ETNPPL: variants seen among roughly 807,000 people sequenced by gnomAD.
ETNPPL encodes ethanolamine-phosphate phospho-lyase.
Under a neutral mutation model 55.5 loss-of-function variants are expected in ETNPPL, and 30 were observed. That is an observed-to-expected ratio of 0.54 (90% CI 0.40 to 0.73). The LOEUF is 0.73. ETNPPL is among the 30% of genes least tolerant of loss of function. The pLI, the probability that ETNPPL is intolerant of heterozygous loss-of-function variation, is 0.00. For synonymous variants in ETNPPL, 202 were observed against 207.2 expected (o/e 0.98, Z 0.21); for missense variants, 528 against 607.9 (o/e 0.87, Z 1.38).
intron 9 of ETNPPL, chr4:108,747,803 A>C: frequency 2.1e-6 from 1 of 479,544 alleles, no homozygotes; most frequent in South Asian, 3.2e-5. Flanking sequence ...ATCTCGGCTC[A>C]CTGCAACCTC....
intron 11 of ETNPPL, among the ~76,000 whole-genome samples, chr4:108,744,722 T>A (rs1035902974): frequency 6.7e-6 from 1 of 149,946 alleles, no homozygotes; most frequent in African/African-American, 2.5e-5. Context: ...GAAATTTTTT[T>A]TTTTTTTTTT....
chr4:108,762,971 G>A lies in ETNPPL; in HGVS notation c.-73C>T. ...GCGCCTCCTACGCGAGCCTGGGACT[G>A]CCTTGGCGGCCCCGGCCGGCCTTCC... On this transcript the variant is annotated 5_prime_UTR_variant, in exon 1 of 13. Transcript: ENST00000296486. The A allele has an allele frequency of 2.0e-6, 3 of 1,466,754 alleles. No individual in the cohort carries two copies. Among genetic ancestry groups the A allele is most frequent in the South Asian group, 1.1e-5 (1 of 87,424 alleles). 90.9% of individuals were successfully genotyped at this position (1,466,754 alleles called of 1,614,324 possible).
chr4:108,762,975 T>C lies in ETNPPL; in HGVS notation c.-77A>G, dbSNP rs1578400549. The C allele has an allele frequency of 6.9e-7, 1 of 1,453,232 alleles. No homozygotes were observed. Among genetic ancestry groups the C allele is most frequent in the Non-Finnish European group, 9.6e-7 (1 of 1,040,888 alleles). 90.0% of individuals were successfully genotyped at this position (1,453,232 alleles called of 1,614,324 possible). A position where few individuals can be genotyped will look rare whatever the true frequency, so the allele number is the denominator to read the frequency against. On this transcript the variant is annotated 5_prime_UTR_variant, in exon 1 of 13. Coordinates refer to ENST00000296486, the MANE Select transcript of ETNPPL (RefSeq NM_031279.4). ...CTCCTACGCGAGCCTGGGACTGCCT[T>C]GGCGGCCCCGGCCGGCCTTCCTCCC...
chr4:108,747,782 G>A, intron 9 of ETNPPL: 1 of 425,520 alleles, frequency 2.4e-6, no homozygotes, highest in Non-Finnish European at 4.1e-6. Context: ...AGGCTGGAAT[G>A]CAGTGGCACA....
Position 108,759,734 on chromosome 4 carries a change from A to G in ETNPPL, c.335+15T>C, listed in dbSNP as rs1010849926. On this transcript the variant is annotated intron_variant, in intron 3 of 12. Transcript: ENST00000296486. ...TTAGTGGGAATGGGGAGGGGTGGGA[A>G]ACCATGAAGCATACCCTGAATTTGT... is the stretch of plus-strand genomic sequence containing the variant. 3 of 1,613,318 alleles carry G rather than the reference A, an allele frequency of 1.9e-6. No individual in the cohort carries two copies. The African/African-American group carries it at 4.0e-5, about 22-fold the overall frequency.
intron 12 of ETNPPL, 40 bp downstream of exon 12, chr4:108,743,749 T>G: frequency 7.0e-7 from 1 of 1,419,472 alleles, no homozygotes; most frequent in Non-Finnish European, 9.9e-7. Context: ...TTCCCCAAAT[T>G]TTAAACTTTC....
At position 108,742,605 on chromosome 4, in the gene ETNPPL, T is replaced by C. The variant is rs1728272963; in HGVS notation, c.1379A>G (p.Lys460Arg). 2 of 1,614,012 alleles carry C rather than the reference T, an allele frequency of 1.2e-6. No homozygotes were observed. The highest frequency in any genetic ancestry group is 1.7e-6 in the Non-Finnish European group (2 of 1,180,006). ...CCTAAGCAGTTCTATGTGGGCTTCTTTCAGCATCTGCAAGACAGGCACACA... is the reference window on the plus strand; with the variant it reads ...CCTAAGCAGTTCTATGTGGGCTTCTCTCAGCATCTGCAAGACAGGCACACA... ...ENTPCKTKML[K>R]EAHIELLRDS... The change falls in exon 13 of 13, where the codon AAA (lysine) becomes AGA (arginine). Residue 460 changes from lysine (K) to arginine (R), a missense_variant. By Grantham distance (26) the Lys-to-Arg change is conservative. Coordinates refer to ENST00000296486, the MANE Select transcript of ETNPPL (RefSeq NM_031279.4).
At chr4:108,744,528 C>T (rs1385059645) in intron 11 of ETNPPL, among the ~76,000 whole-genome samples, 4 of 151,964 alleles carry the variant, frequency 2.6e-5, no homozygotes, top group African/African-American at 9.7e-5. Context: ...GTGAGGAATG[C>T]TTGCCAGGTC....
intron 9 of ETNPPL, among the ~76,000 whole-genome samples, chr4:108,747,227 TATATATATATATA>T (rs1728640568): frequency 1.2e-4 from 2 of 16,370 alleles, no homozygotes; most frequent in Non-Finnish European, 1.7e-4. Context: ...ATATATATTA[TATATATATATATA>T]ATATATATAT....
intron 1 of ETNPPL, chr4:108,762,162 G>A (rs949431610): frequency 3.5e-6 from 1 of 287,880 alleles, no homozygotes; most frequent in African/African-American, 2.2e-5. Flanking sequence ...TCCAACGAGA[G>A]CTAGAGCCCC....
intron 4 of ETNPPL, among the ~76,000 whole-genome samples, chr4:108,755,243 G>C (rs1327813972): frequency 6.6e-6 from 1 of 152,122 alleles, no homozygotes; most frequent in African/African-American, 2.4e-5. Context: ...TAAGATTGAG[G>C]CTAGCCATAT....
chr4:108,756,488 C>A lies in ETNPPL; in HGVS notation c.340G>T (p.Glu114Ter), dbSNP rs1017484763. The A allele has an allele frequency of 6.2e-7, 1 of 1,612,808 alleles. No individual in the cohort carries two copies. The highest frequency in any genetic ancestry group is 8.5e-7 in the Non-Finnish European group (1 of 1,178,812). Residue 114 changes from glutamate to a stop codon, truncating the protein, a stop_gained, in exon 4 of 13, where the codon GAA becomes TAA. Transcript: ENST00000296486. LOFTEE classifies it high-confidence loss of function. The stretch of plus-strand genomic sequence containing the variant: ...AGGCGTAAGGCTAAGTCGTTGGCTT[C>A]GGATCTATTAAGATAACATAGAGAG... ...SVCYFTNSGS[E>*]ANDLALRLAR...
intron 3 of ETNPPL, among the ~76,000 whole-genome samples, chr4:108,759,445 G>T (rs1323594175): frequency 6.7e-6 from 1 of 149,774 alleles, no homozygotes; most frequent in Non-Finnish European, 1.5e-5. Context: ...GTTTACTAGA[G>T]TTATTTCTTG....
intron 5 of ETNPPL, among the ~76,000 whole-genome samples, chr4:108,753,677 G>A (rs2125677844): frequency 6.6e-6 from 1 of 151,772 alleles, no homozygotes; most frequent in Admixed American, 6.6e-5. Flanking sequence ...TGTAAGCGGA[G>A]GTTTCAGTGA....
chr4:108,748,867 C>T (rs911657138), intron 8 of ETNPPL, among the ~76,000 whole-genome samples: 1 of 152,146 alleles, frequency 6.6e-6, no homozygotes, highest in East Asian at 1.9e-4. Context: ...GGTAAAGATA[C>T]ACAAGCAGAA....
chr4:108,762,570 T>C (rs1729560792), intron 1 of ETNPPL: 1 of 630,226 alleles, frequency 1.6e-6, no homozygotes, highest in Non-Finnish European at 2.9e-6. Context: ...CCAACCCCTC[T>C]AGCCGGCCGG....
chr4:108,760,352 C>A, intron 1 of ETNPPL, 46 bp from the exon 2 acceptor site: 1 of 1,076,398 alleles, frequency 9.3e-7, no homozygotes, highest in South Asian at 1.5e-5. Flanking sequence ...GGACTACTCT[C>A]AGTATTTTTC....
Position 108,759,293 on chromosome 4 carries a change from T to C in ETNPPL, c.335+456A>G, listed in dbSNP as rs375374881. 2.5e-3 allele frequency among the ~76,000 whole-genome samples: 357 copies of C among 144,976 alleles called. 2 individuals are homozygous for C. Among genetic ancestry groups the C allele is most frequent in the African/African-American group, 8.9e-3 (349 of 39,198 alleles). On this transcript the variant is annotated intron_variant, in intron 3 of 12. Coordinates refer to ENST00000296486, the MANE Select transcript of ETNPPL (RefSeq NM_031279.4). ...GCGGGTGCCTGTAATCCCAGCTACT[T>C]GGGAGGCTGAGGCAGGAGAATAGCG...
chr4:108,749,133 G>T, intron 8 of ETNPPL, 105 bp downstream of exon 8: 2 of 757,924 alleles, frequency 2.6e-6, no homozygotes, highest in Non-Finnish European at 2.1e-6. Context: ...AGTTCTGGGT[G>T]GTTAGCCGGC....
Sources: allele counts gnomAD v4.1 joint callset (sites outside exome capture counted in the v4.1 genomes callset), GRCh38; gene constraint gnomAD v4.1.1; transcripts MANE v1.5; gene names NCBI Gene and HGNC (gene_info 2026-07-23, HGNC 2026-07-21).